The following RFLNA variants were observed in gnomAD, a reference collection of about 807,000 sequenced individuals.
RFLNA encodes refilin-A.
RFLNA carries 5 observed loss-of-function variants against 7.8 expected under a neutral mutation model. The observed-to-expected ratio is 0.64, with a 90% CI of 0.34 to 1.35. The LOEUF is 1.35. Among genes scored for constraint, RFLNA ranks in the 40% most tolerant of loss-of-function variants. The probability of loss-of-function intolerance (pLI) is 0.04; values close to 1 mark genes in which losing one functional copy is unlikely to be tolerated. For missense variants in RFLNA, 278 were observed against 305.5 expected (o/e 0.91, Z 0.67); for synonymous variants, 141 against 131.3 (o/e 1.07, Z -0.50).
chr12:124,311,994 T>C, intron 2 of RFLNA, 67 bp downstream of exon 2: 2 of 1,441,964 alleles, frequency 1.4e-6, no homozygotes, highest in Non-Finnish European at 1.8e-6. Context: ...CCTGACTCTC[T>C]TGTGGGATGG....
intron 1 of RFLNA, among the ~76,000 whole-genome samples, chr12:124,299,426 C>T (rs10846648): frequency 0.13 from 20,280 of 152,152 alleles, 1,670 homozygotes; most frequent in East Asian, 0.3. Context: ...TCTTTAGTGG[C>T]GATTTGTGGG....
chr12:124,310,866 T>C (rs2034232131), intron 1 of RFLNA, among the ~76,000 whole-genome samples: 1 of 152,176 alleles, frequency 6.6e-6, no homozygotes, highest in African/African-American at 2.4e-5. Context: ...AGAACTCTCT[T>C]TCCCCACCTT....
chr12:124,290,503 T>G (rs748061314), upstream of RFLNA, among the ~76,000 whole-genome samples: 2 of 152,170 alleles, frequency 1.3e-5, no homozygotes, highest in Non-Finnish European at 2.9e-5. This position sits in a 1 kb window ranked among gnomAD's most constrained non-coding sequence, Gnocchi z 4.0. Flanking sequence ...GTATTGTGTA[T>G]GCATCTGTGT....
At position 124,302,984 on chromosome 12, in the gene RFLNA, GA is replaced by G. The variant is rs1395474238; in HGVS notation, c.207+7349del. Among the ~76,000 whole-genome samples, 5 of 152,262 alleles carry G rather than the reference GA, an allele frequency of 3.3e-5. 1 individual carries two copies. In the East Asian group the frequency reaches 9.6e-4, roughly 29 times the overall value. On this transcript the variant is annotated intron_variant, in intron 1 of 2. Coordinates refer to ENST00000546355, the MANE Select transcript of RFLNA (RefSeq NM_001365156.1). ...GCTGTCTCCAGGAGCAGCAACGGGG[GA>G]GGGGGGGCTCTGGGTACCTCCTCCT...
At position 124,289,499 on chromosome 12, in the gene RFLNA, G is replaced by A. The variant is rs1474555926; in HGVS notation, c.-37+129G>A. On this transcript the variant is annotated intron_variant, in intron 1 of 2. Transcript: ENST00000324038. This position sits in a 1 kb window ranked among gnomAD's most constrained non-coding sequence, Gnocchi z 5.0. Reference sequence around the variant, plus strand: ...TGAAAGCACTGGGAATCTGGAGGCTGTCCTGGACACGCACATACAAATGGC... The same window carrying A: ...TGAAAGCACTGGGAATCTGGAGGCTATCCTGGACACGCACATACAAATGGC... 6.6e-6 allele frequency: 1 copy of A among 152,252 alleles called. No individual in the cohort carries two copies. The highest frequency in any genetic ancestry group is 6.5e-5 in the Admixed American group (1 of 15,288). 9.4% of individuals were successfully genotyped at this position (152,252 alleles called of 1,614,324 possible).
At chr12:124,293,883 G>A (rs1288068488), upstream of RFLNA, among the ~76,000 whole-genome samples, 2 of 152,112 alleles carry the variant, frequency 1.3e-5, no homozygotes, top group African/African-American at 2.4e-5. Flanking sequence ...TTTGAAAATC[G>A]CCTCCTCCAA....
chr12:124,298,541 T>C (rs1192977799), intron 1 of RFLNA, among the ~76,000 whole-genome samples: 1 of 152,220 alleles, frequency 6.6e-6, no homozygotes, highest in Non-Finnish European at 1.5e-5. Flanking sequence ...AATCAGGCAT[T>C]GGTCCCCCCA....
upstream of RFLNA, among the ~76,000 whole-genome samples, chr12:124,291,125 C>A (rs924834841): frequency 6.6e-6 from 1 of 152,220 alleles, no homozygotes; most frequent in African/African-American, 2.4e-5. Context: ...AGCCTTCCCC[C>A]ACATCCACCC....
At chr12:124,293,080 C>A (rs1018938450), upstream of RFLNA, among the ~76,000 whole-genome samples, 3 of 152,018 alleles carry the variant, frequency 2.0e-5, no homozygotes, top group Non-Finnish European at 4.4e-5. Flanking sequence ...CCCGCCACCA[C>A]GCCCGGCTAA....
chr12:124,309,204 T>TC (rs750221957), intron 1 of RFLNA, among the ~76,000 whole-genome samples: 89 of 151,248 alleles, frequency 5.9e-4, no homozygotes, highest in Middle Eastern at 3.4e-3. Context: ...GGACTCTGCT[T>TC]CCCCCCCACC....
At chr12:124,310,855 T>C (rs192151109) in intron 1 of RFLNA, among the ~76,000 whole-genome samples, 4 of 152,272 alleles carry the variant, frequency 2.6e-5, no homozygotes, top group East Asian at 3.9e-4. Flanking sequence ...TCTGTTCCCA[T>C]AGAACTCTCT....
intron 1 of RFLNA, among the ~76,000 whole-genome samples, chr12:124,302,557 C>T (rs1022628412): frequency 1.3e-5 from 2 of 152,150 alleles, no homozygotes; most frequent in Non-Finnish European, 2.9e-5. Flanking sequence ...ACCCCTGCCC[C>T]GGCCCCCTGC....
chr12:124,295,686 T>C (rs2033895993), intron 1 of RFLNA, 50 bp downstream of exon 1: 1 of 1,229,658 alleles, frequency 8.1e-7, no homozygotes, highest in Non-Finnish European at 1.0e-6. Context: ...GGCGGGTGGG[T>C]GAGGGCTGCC....
Position 124,306,114 on chromosome 12 carries a change from C to G in RFLNA, c.208-5704C>G, listed in dbSNP as rs1180357223. 6.6e-6 allele frequency among the ~76,000 whole-genome samples: 1 copy of G among 152,020 alleles called. No homozygotes were observed. The highest frequency in any genetic ancestry group is 1.5e-5 in the Non-Finnish European group (1 of 68,004). On this transcript the variant is annotated intron_variant, in intron 1 of 2. Coordinates refer to ENST00000546355, the MANE Select transcript of RFLNA (RefSeq NM_001365156.1). The surrounding 1 kb of genome is among the most constrained non-coding windows in gnomAD (Gnocchi z 5.2). Reference sequence around the variant, plus strand: ...ATACTCGGGGCTCTCTGGGTTGGGGCAGGGGCTGCTTTGCAGGTGTGGGGT... The same window carrying G: ...ATACTCGGGGCTCTCTGGGTTGGGGGAGGGGCTGCTTTGCAGGTGTGGGGT...
At chr12:124,300,766 G>T (rs1253766989) in intron 1 of RFLNA, among the ~76,000 whole-genome samples, 105 of 129,496 alleles carry the variant, frequency 8.1e-4, no homozygotes, top group Middle Eastern at 3.7e-3. Flanking sequence ...ATGGATGGAT[G>T]GATGGATTGA....
At chr12:124,290,452 A>G (rs2033804886), upstream of RFLNA, among the ~76,000 whole-genome samples, 1 of 151,888 alleles carries the variant, frequency 6.6e-6, no homozygotes, top group African/African-American at 2.4e-5. This position sits in a 1 kb window ranked among gnomAD's most constrained non-coding sequence, Gnocchi z 4.0. Context: ...GTATGTGTAT[A>G]TATGTATTTG....
chr12:124,307,176 A>C (rs2034151569), intron 1 of RFLNA, among the ~76,000 whole-genome samples: 1 of 152,220 alleles, frequency 6.6e-6, no homozygotes, highest in Non-Finnish European at 1.5e-5. Flanking sequence ...CAAACCTAGA[A>C]ATAAATGCGT....
In RFLNA at chr12:124,304,551, G is replaced by A. The variant is rs77038157; in HGVS notation, c.208-7267G>A. 8.6e-3 allele frequency among the ~76,000 whole-genome samples: 1,313 copies of A among 152,338 alleles called. 15 individuals carry two copies. Among genetic ancestry groups the A allele is most frequent in the African/African-American group, 0.028 (1,162 of 41,586 alleles). On this transcript the variant is annotated intron_variant, in intron 1 of 2. Transcript: ENST00000546355. Reference sequence around the variant, plus strand: ...CCACGTTCCAGGTGTGGTGGTATCCGGAGGGTTTGGCAGTGTCTTCATTCC... The same window carrying A: ...CCACGTTCCAGGTGTGGTGGTATCCAGAGGGTTTGGCAGTGTCTTCATTCC...
chr12:124,309,609 GTTAT>G (rs1386717058), intron 1 of RFLNA, among the ~76,000 whole-genome samples: 2 of 152,216 alleles, frequency 1.3e-5, no homozygotes, highest in Non-Finnish European at 2.9e-5. Flanking sequence ...AAATAGGCGG[GTTAT>G]TTAAAGCCCC....
Sources: allele counts gnomAD v4.1 joint callset (sites outside exome capture counted in the v4.1 genomes callset), GRCh38; gene constraint gnomAD v4.1.1; non-coding constraint Gnocchi (gnomAD v3.1); transcripts MANE v1.5; gene names NCBI Gene and HGNC (gene_info 2026-07-23, HGNC 2026-07-21).